The following ZFHX3 variants were observed in gnomAD, a reference collection of about 807,000 sequenced individuals.
ZFHX3 encodes zinc finger homeobox 3.
ZFHX3 carries 42 observed loss-of-function variants against 279.1 expected under a neutral mutation model. That is an observed-to-expected ratio of 0.15 (90% CI 0.12 to 0.19). ZFHX3 has a LOEUF of 0.19. Among genes scored for constraint, ZFHX3 ranks in the 10% least tolerant of loss-of-function variants. The pLI is 1.00. For missense variants in ZFHX3, 4,981 were observed against 4,754.0 expected (o/e 1.05, Z -1.40); for synonymous variants, 2,293 against 1,957.8 (o/e 1.17, Z -4.52).
intron 1 of ZFHX3, among the ~76,000 whole-genome samples, chr16:73,701,495 A>C (rs901277996): frequency 4.6e-5 from 7 of 152,212 alleles, no homozygotes. Context: ...ATGCCCACAG[A>C]AGGCAGGCTG....
intron 2 of ZFHX3, among the ~76,000 whole-genome samples, chr16:73,670,991 G>A (rs1033239629): frequency 6.6e-6 from 1 of 152,170 alleles, no homozygotes; most frequent in African/African-American, 2.4e-5. Context: ...TCTCCAGAAG[G>A]ATTATTTAAG....
At chr16:73,243,409 A>G (rs909763255) in intron 5 of ZFHX3, among the ~76,000 whole-genome samples, 1 of 152,188 alleles carries the variant, frequency 6.6e-6, no homozygotes, top group Non-Finnish European at 1.5e-5. Context: ...CATTGTACTC[A>G]TAGCCAATCA....
At chr16:72,952,926 AC>A (rs1264638751) in intron 2 of ZFHX3, among the ~76,000 whole-genome samples, 1 of 151,938 alleles carries the variant, frequency 6.6e-6, no homozygotes, top group African/African-American at 2.4e-5. Flanking sequence ...GGTCTGCCCC[AC>A]CCCCCAAGTG....
chr16:73,164,597 G>C (rs1967313955), intron 5 of ZFHX3, among the ~76,000 whole-genome samples: 1 of 152,020 alleles, frequency 6.6e-6, no homozygotes, highest in South Asian at 2.1e-4. Flanking sequence ...CTACTCAGGA[G>C]GCTGAGGCAG....
At chr16:73,567,289 C>A (rs2020465295) in intron 2 of ZFHX3, among the ~76,000 whole-genome samples, 1 of 151,636 alleles carries the variant, frequency 6.6e-6, no homozygotes, top group Non-Finnish European at 1.5e-5. Context: ...CAAATAAGAT[C>A]ACATGCTAAG....
chr16:73,363,450 C>T (rs1384107389), intron 3 of ZFHX3, among the ~76,000 whole-genome samples: 3 of 152,166 alleles, frequency 2.0e-5, no homozygotes, highest in Non-Finnish European at 4.4e-5. Flanking sequence ...CCCATTTTAT[C>T]TCCATCTCCT....
chr16:72,842,058 T>C (rs1224340162), intron 4 of ZFHX3, among the ~76,000 whole-genome samples: 6 of 152,184 alleles, frequency 3.9e-5, no homozygotes, highest in Non-Finnish European at 7.3e-5. Flanking sequence ...TAGAAATTTG[T>C]AGCACACAAT....
intron 2 of ZFHX3, among the ~76,000 whole-genome samples, chr16:73,481,018 CAA>C (rs1396626076): frequency 6.6e-6 from 1 of 152,108 alleles, no homozygotes; most frequent in African/African-American, 2.4e-5. Context: ...TAGGTCTTCC[CAA>C]ATCTTTAAGA....
chr16:73,310,947 C>T (rs1404452668), intron 4 of ZFHX3, among the ~76,000 whole-genome samples: 4 of 152,198 alleles, frequency 2.6e-5, no homozygotes, highest in Non-Finnish European at 5.9e-5. Flanking sequence ...AACACAAACA[C>T]CCCAGCCAGG....
chr16:73,003,499 C>G lies in ZFHX3; in HGVS notation c.-49-43305G>C, dbSNP rs374830468. 3.6e-3 allele frequency among the ~76,000 whole-genome samples: 536 copies of G among 147,072 alleles called. 7 individuals carry two copies. Among genetic ancestry groups the G allele is most frequent in the African/African-American group, 0.013 (499 of 39,458 alleles). On this transcript the variant is annotated intron_variant, in intron 1 of 9. Coordinates refer to ENST00000268489, the MANE Select transcript of ZFHX3 (RefSeq NM_006885.4). ...GGTCAGGAGTTCGAGACCAGCCTGG[C>G]CAACATGGTGAGACCCCCCCCTCCC... is the stretch of plus-strand genomic sequence containing the variant.
At chr16:73,802,335 GC>G (rs1567415341) in intron 1 of ZFHX3, among the ~76,000 whole-genome samples, 1 of 152,338 alleles carries the variant, frequency 6.6e-6, no homozygotes, top group Non-Finnish European at 1.5e-5. Context: ...GGGCCAGTGA[GC>G]CCCATGCCAA....
chr16:73,421,246 G>A (rs1436542178), intron 3 of ZFHX3: 1 of 152,084 alleles, frequency 6.6e-6, no homozygotes, highest in East Asian at 1.9e-4. Context: ...GCTTTCACGG[G>A]GCACTGTGAT....
At chr16:73,175,607 G>A (rs953701590) in intron 5 of ZFHX3, among the ~76,000 whole-genome samples, 31 of 152,166 alleles carry the variant, frequency 2.0e-4, no homozygotes, top group Admixed American at 1.6e-3. Flanking sequence ...ATAGGTGCTC[G>A]ATAAAGGGAA....
intron 4 of ZFHX3, among the ~76,000 whole-genome samples, chr16:72,863,148 T>C (rs999881567): frequency 4.0e-5 from 6 of 151,812 alleles, no homozygotes; most frequent in African/African-American, 7.3e-5. Context: ...AACTCAATAT[T>C]TGATGATTCC....
At chr16:73,633,923 C>A (rs1165897381) in intron 2 of ZFHX3, among the ~76,000 whole-genome samples, 1 of 151,634 alleles carries the variant, frequency 6.6e-6, no homozygotes, top group African/African-American at 2.4e-5. Context: ...TATTTAAGAG[C>A]AGTGATGTTT....
chr16:73,569,371 G>C (rs573721303), intron 2 of ZFHX3, among the ~76,000 whole-genome samples: 1 of 149,446 alleles, frequency 6.7e-6, no homozygotes, highest in Non-Finnish European at 1.5e-5. Flanking sequence ...ATCCTATTAA[G>C]ATCATGGCTG....
At chr16:73,623,162 G>A (rs1018529283) in intron 2 of ZFHX3, among the ~76,000 whole-genome samples, 2 of 151,930 alleles carry the variant, frequency 1.3e-5, no homozygotes, top group South Asian at 2.1e-4. Flanking sequence ...TCAGCCTCTC[G>A]AGTTGCTGGG....
chr16:73,275,117 C>T (rs1567437076), intron 4 of ZFHX3, among the ~76,000 whole-genome samples: 1 of 152,176 alleles, frequency 6.6e-6, no homozygotes, highest in Non-Finnish European at 1.5e-5. Flanking sequence ...TTCCAGGTTG[C>T]CATTTCCTGT....
chr16:73,702,177 G>A (rs907380975), intron 1 of ZFHX3, among the ~76,000 whole-genome samples: 2 of 151,996 alleles, frequency 1.3e-5, no homozygotes, highest in Non-Finnish European at 2.9e-5. Flanking sequence ...CACCCTCCCC[G>A]TTCACACTCA....
Sources: allele counts gnomAD v4.1 joint callset (sites outside exome capture counted in the v4.1 genomes callset), GRCh38; gene constraint gnomAD v4.1.1; transcripts MANE v1.5; gene names NCBI Gene and HGNC (gene_info 2026-07-23, HGNC 2026-07-21).